The following CTNNBL1 variants were observed in gnomAD, a reference collection of about 807,000 sequenced individuals.
CTNNBL1 encodes the protein catenin beta like 1.
A neutral mutation model predicts 72.7 loss-of-function variants in CTNNBL1; 31 were observed. That is an observed-to-expected ratio of 0.43 (90% CI 0.32 to 0.58). The LOEUF (loss-of-function observed/expected upper bound fraction) is 0.58, where lower values mean the gene tolerates loss of function less well. Among genes scored for constraint, CTNNBL1 ranks in the 20% least tolerant of loss-of-function variants. CTNNBL1 has a pLI of 0.08. For synonymous variants in CTNNBL1, 240 were observed against 267.3 expected, an observed-to-expected ratio of 0.90 and a Z score of 1.00; for missense variants, 534 against 725.1, an observed-to-expected ratio of 0.74 and a Z score of 3.03.
chr20:37,771,858 T>G (rs936457869), intron 7 of CTNNBL1, among the ~76,000 whole-genome samples: 2 of 152,214 alleles, frequency 1.3e-5, no homozygotes, highest in African/African-American at 4.8e-5. Flanking sequence ...CTGTAGCTAG[T>G]TAGAGATAGA....
intron 11 of CTNNBL1, among the ~76,000 whole-genome samples, chr20:37,831,424 G>T (rs1239883795): frequency 6.6e-6 from 1 of 151,434 alleles, no homozygotes; most frequent in East Asian, 1.9e-4. Context: ...GGAGTGCAGT[G>T]GTGCGATCTC....
At position 37,773,769 on chromosome 20, in the gene CTNNBL1, GTCA is replaced by G. The variant is rs200309415; in HGVS notation, c.751-3560_751-3558del. 7.8e-3 allele frequency among the ~76,000 whole-genome samples: 1,187 copies of G among 151,970 alleles called. 13 individuals are homozygous for G. Among genetic ancestry groups the G allele is most frequent in the African/African-American group, 0.027 (1,108 of 41,474 alleles). ...TTCTACCAGATTAAAACATTTGGTT[GTCA>G]TCATCATCATCATCACCACTAAGTT... On this transcript the variant is annotated intron_variant, in intron 7 of 15. Transcript: ENST00000361383.
At position 37,842,369 on chromosome 20, in the gene CTNNBL1, T is replaced by A. The variant is rs1459001753; in HGVS notation, c.1342T>A (p.Tyr448Asn). ...CAGACTAATGGAGTTGCATTTTAAA[T>A]ATCTGGGTGCAATGCAGGTGGCGGA... ...VDRLMELHFKYLGAMQVADKK... is the reference protein window; with the variant it reads ...VDRLMELHFKNLGAMQVADKK... The change falls in exon 13 of 16, where the codon TAT becomes AAT. Residue 448 changes from tyrosine (Y) to asparagine (N), a missense_variant. Transcript: ENST00000361383. The A allele has an allele frequency of 6.2e-7, 1 of 1,613,730 alleles. No individual in the cohort carries two copies. Among genetic ancestry groups the A allele is most frequent in the African/African-American group, 1.3e-5 (1 of 74,896 alleles).
At chr20:37,812,942 A>G (rs2072025005) in intron 11 of CTNNBL1, among the ~76,000 whole-genome samples, 1 of 150,772 alleles carries the variant, frequency 6.6e-6, no homozygotes, top group Admixed American at 6.6e-5. Flanking sequence ...CCCCCCAGGA[A>G]TGTGGCCCCC....
chr20:37,848,200 A>G (rs1302413871), intron 13 of CTNNBL1, among the ~76,000 whole-genome samples: 1 of 140,970 alleles, frequency 7.1e-6, no homozygotes, highest in Non-Finnish European at 1.5e-5. Flanking sequence ...CCCAGGCTAG[A>G]GTGCAGTGGC....
intron 10 of CTNNBL1, among the ~76,000 whole-genome samples, chr20:37,782,279 T>C (rs2073632959): frequency 6.6e-6 from 1 of 152,246 alleles, no homozygotes; most frequent in Non-Finnish European, 1.5e-5. Context: ...CTTTTGCATG[T>C]ATATATACTC....
chr20:37,840,882 A>G (rs946215101), intron 12 of CTNNBL1, among the ~76,000 whole-genome samples: 3 of 151,776 alleles, frequency 2.0e-5, no homozygotes, highest in African/African-American at 4.9e-5. Context: ...TGGGAACACA[A>G]TTACATGAGA....
At chr20:37,867,998 G>A (rs954518988) in intron 15 of CTNNBL1, among the ~76,000 whole-genome samples, 4 of 152,164 alleles carry the variant, frequency 2.6e-5, no homozygotes, top group East Asian at 1.9e-4. Context: ...CTCCGTGGCC[G>A]GCTCACTGTG....
intron 11 of CTNNBL1, among the ~76,000 whole-genome samples, chr20:37,804,000 G>T (rs184853882): frequency 4.5e-4 from 68 of 152,246 alleles, no homozygotes; most frequent in African/African-American, 1.6e-3. Flanking sequence ...TCCCAACTTG[G>T]AGTGGCTAAA....
intron 11 of CTNNBL1, among the ~76,000 whole-genome samples, chr20:37,810,733 G>C (rs536444943): frequency 4.6e-5 from 7 of 152,298 alleles, no homozygotes; most frequent in African/African-American, 1.4e-4. Flanking sequence ...TGCCAGTGAA[G>C]GAAATGGCAG....
At chr20:37,728,169 C>G (rs141101559) in intron 1 of CTNNBL1, among the ~76,000 whole-genome samples, 225 of 152,124 alleles carry the variant, frequency 1.5e-3, no homozygotes, top group Admixed American at 3.1e-3. Flanking sequence ...GGCTGTTGAG[C>G]ACATGAAATT....
At chr20:37,822,651 T>G (rs1211058239) in intron 11 of CTNNBL1, among the ~76,000 whole-genome samples, 1 of 152,132 alleles carries the variant, frequency 6.6e-6, no homozygotes, top group Non-Finnish European at 1.5e-5. Context: ...GGAAGGCAGA[T>G]TTAGGATGGT....
rs1288229307 is a variant in CTNNBL1, at chr20:37,792,471, G to T, written c.1032-10396G>T. On this transcript the variant is annotated intron_variant, in intron 10 of 15. Coordinates refer to ENST00000361383, the MANE Select transcript of CTNNBL1 (RefSeq NM_030877.5). ...CTGTAGGAATGCACCATGATGCTGG[G>T]CTTTTAATCTTCATTATTTATTTTC... is the stretch of plus-strand genomic sequence containing the variant. Among the ~76,000 whole-genome samples the T allele has an allele frequency of 3.3e-5, 5 of 152,094 alleles. No homozygotes were observed. The South Asian group carries it at 8.3e-4, about 25-fold the overall frequency.
At chr20:37,824,670 C>T (rs1230212146) in intron 11 of CTNNBL1, among the ~76,000 whole-genome samples, 1 of 152,222 alleles carries the variant, frequency 6.6e-6, no homozygotes, top group Non-Finnish European at 1.5e-5. Flanking sequence ...ATGGCAGCTT[C>T]GTGGTGTCAT....
At chr20:37,710,654 C>T (rs1876726575) in intron 1 of CTNNBL1, among the ~76,000 whole-genome samples, 1 of 152,090 alleles carries the variant, frequency 6.6e-6, no homozygotes. Flanking sequence ...AACTACCACT[C>T]ACAAATAGGG....
chr20:37,766,540 A>C (rs1488848166), intron 6 of CTNNBL1, among the ~76,000 whole-genome samples: 1 of 152,184 alleles, frequency 6.6e-6, no homozygotes, highest in African/African-American at 2.4e-5. Context: ...AGTCAGTGAA[A>C]AGCACTGTGG....
intron 1 of CTNNBL1, among the ~76,000 whole-genome samples, chr20:37,724,158 G>A (rs2073063660): frequency 2.0e-5 from 3 of 152,132 alleles, no homozygotes; most frequent in African/African-American, 4.8e-5. Context: ...GCGGGTTTGC[G>A]ACGTTCCACA....
chr20:37,849,187 C>T (rs2072373072), intron 13 of CTNNBL1, among the ~76,000 whole-genome samples: 1 of 152,218 alleles, frequency 6.6e-6, no homozygotes. Flanking sequence ...CAGCACCCGC[C>T]TAACTAACTA....
intron 15 of CTNNBL1, among the ~76,000 whole-genome samples, chr20:37,862,114 G>A (rs191582260): frequency 3.5e-5 from 2 of 57,600 alleles, no homozygotes; most frequent in East Asian, 1.2e-3. Context: ...AGAGTAAAGG[G>A]GTCTGATGGA....
Sources: allele counts gnomAD v4.1 joint callset (sites outside exome capture counted in the v4.1 genomes callset), GRCh38; gene constraint gnomAD v4.1.1; transcripts MANE v1.5; gene names NCBI Gene and HGNC (gene_info 2026-07-23, HGNC 2026-07-21).